The following CORO2A variants were observed in gnomAD, a reference collection of about 807,000 sequenced individuals.
CORO2A encodes coronin-2A.
Under a neutral mutation model 62.4 loss-of-function variants are expected in CORO2A, and 47 were observed. The ratio of observed to expected loss-of-function variants is 0.75; its 90% CI spans 0.60 to 0.96. The LOEUF (loss-of-function observed/expected upper bound fraction) is 0.96, where lower values mean the gene tolerates loss of function less well. Among genes scored for constraint, CORO2A ranks in the 40% least tolerant of loss-of-function variants. The probability of loss-of-function intolerance (pLI) is 0.00; values close to 1 mark genes in which losing one functional copy is unlikely to be tolerated. For missense variants in CORO2A, 610 were observed against 684.1 expected (o/e 0.89, Z 1.21); for synonymous variants, 273 against 268.9 (o/e 1.02, Z -0.15).
At chr9:98,162,258 C>CA (rs1277145877) in intron 1 of CORO2A, among the ~76,000 whole-genome samples, 2 of 152,150 alleles carry the variant, frequency 1.3e-5, no homozygotes, top group African/African-American at 2.4e-5. Flanking sequence ...ATAGCTCTTT[C>CA]AGACCCATCA....
intron 1 of CORO2A, among the ~76,000 whole-genome samples, chr9:98,159,356 C>T (rs571809126): frequency 3.9e-5 from 6 of 152,280 alleles, no homozygotes; most frequent in African/African-American, 1.4e-4. Context: ...CCTCACATCA[C>T]CCTCTGATGC....
intron 1 of CORO2A, among the ~76,000 whole-genome samples, chr9:98,162,987 C>A (rs1827906324): frequency 6.6e-6 from 1 of 152,198 alleles, no homozygotes; most frequent in Non-Finnish European, 1.5e-5. Context: ...GGGCCCACAT[C>A]AAAGCCACAA....
chr9:98,147,217 A>G (rs1477298700), intron 2 of CORO2A, among the ~76,000 whole-genome samples: 1 of 152,104 alleles, frequency 6.6e-6, no homozygotes, highest in Non-Finnish European at 1.5e-5. Flanking sequence ...GCAACCAGGG[A>G]CCATTAACAT....
Position 98,129,909 on chromosome 9 carries a change from A to G in CORO2A, c.871-19T>C, listed in dbSNP as rs1490671500. 7 of 1,593,554 alleles carry G rather than the reference A, an allele frequency of 4.4e-6. No homozygotes were observed. Among genetic ancestry groups the G allele is most frequent in the Non-Finnish European group, 6.0e-6 (7 of 1,161,930 alleles). ...CATCTCCCTGAGGAGGAGGAGAAGG[A>G]AGAGGAGGGTGAGATTCAGAGCTGG... On this transcript the variant is annotated intron_variant, in intron 7 of 11. Transcript: ENST00000375077.
intron 6 of CORO2A, 72 bp downstream of exon 6, chr9:98,132,113 A>C (rs1431795066): frequency 9.0e-7 from 1 of 1,115,486 alleles, no homozygotes; most frequent in Non-Finnish European, 1.4e-6. Flanking sequence ...TGTCTAAATG[A>C]ATGCATGCAT....
At chr9:98,172,764 TTGTC>T (rs1025078759) in intron 1 of CORO2A, 3 of 152,240 alleles carry the variant, frequency 2.0e-5, no homozygotes, top group Admixed American at 6.5e-5. Flanking sequence ...CCTAAATTGT[TTGTC>T]CAGGCTGGGC....
intron 10 of CORO2A, among the ~76,000 whole-genome samples, chr9:98,127,264 C>T (rs1205095127): frequency 1.3e-5 from 2 of 152,170 alleles, no homozygotes; most frequent in Non-Finnish European, 2.9e-5. Context: ...TAAGGTTATC[C>T]AAAACTAGGA....
chr9:98,139,045 C>CAAAAAAAAA (rs60779052), intron 2 of CORO2A, among the ~76,000 whole-genome samples: 1 of 103,362 alleles, frequency 9.7e-6, no homozygotes, highest in African/African-American at 3.7e-5. Flanking sequence ...GATTCTGTCT[C>CAAAAAAAAA]AAAAAAAAAA....
intron 4 of CORO2A, 80 bp from the exon 5 acceptor site, chr9:98,133,297 G>T: frequency 1.4e-6 from 2 of 1,386,110 alleles, no homozygotes; most frequent in Non-Finnish European, 1.0e-6. Flanking sequence ...CCAGGATGCA[G>T]TGAAACACAG....
chr9:98,128,042 T>C, intron 10 of CORO2A, 128 bp downstream of exon 10: 1 of 713,222 alleles, frequency 1.4e-6, no homozygotes, highest in Non-Finnish European at 2.4e-6. Flanking sequence ...GGACTGAAGG[T>C]CAAGGGCATG....
chr9:98,136,355 T>A (rs1391915179), intron 3 of CORO2A, among the ~76,000 whole-genome samples: 1 of 152,232 alleles, frequency 6.6e-6, no homozygotes, highest in Non-Finnish European at 1.5e-5. Context: ...ATCTGCTATA[T>A]GGAAACCGAC....
Position 98,122,561 on chromosome 9 carries a change from T to C in CORO2A, c.*2213A>G, listed in dbSNP as rs1469302460. On this transcript the variant is annotated 3_prime_UTR_variant, in exon 12 of 12. Coordinates refer to ENST00000375077, the MANE Select transcript of CORO2A (RefSeq NM_052820.4). ...TTGTATTGACCACTGAACTTTAGAG[T>C]AGGGCTCGGAACACAGATTCACTAA... is the stretch of plus-strand genomic sequence containing the variant. 1 of 152,020 alleles carries C rather than the reference T, an allele frequency of 6.6e-6. No homozygotes were observed. The highest frequency in any genetic ancestry group is 1.9e-4 in the East Asian group (1 of 5,188). The allele number at this position is 152,020 out of a possible 1,614,324, so 9.4% of individuals were successfully genotyped here.
intron 11 of CORO2A, among the ~76,000 whole-genome samples, chr9:98,125,771 G>A (rs922504654): frequency 1.1e-4 from 16 of 142,436 alleles, no homozygotes; most frequent in African/African-American, 3.7e-4. Context: ...AGGCTGGAGC[G>A]CAGTGGTGTG....
intron 4 of CORO2A, 113 bp downstream of exon 4, chr9:98,134,693 C>T (rs1480891480): frequency 4.7e-6 from 6 of 1,285,242 alleles, no homozygotes; most frequent in Non-Finnish European, 6.3e-6. Context: ...GCTCTCCCAA[C>T]ACCTTGATTT....
rs933709063 is a variant in CORO2A at position 98,126,715 on chromosome 9, A to G, written c.1280T>C (p.Leu427Ser). The G allele has an allele frequency of 2.5e-6, 4 of 1,614,074 alleles. No homozygotes were observed. The African/African-American group carries it at 5.3e-5, about 22-fold the overall frequency. The change falls in exon 11 of 12, where the codon TTG becomes TCG. Residue 427 changes from leucine (L) to serine (S), a missense_variant. Coordinates refer to ENST00000375077, the MANE Select transcript of CORO2A (RefSeq NM_052820.4). ...NSMAPASPRL[L>S]NQTEKLAAED... ...TGCAGCCAGCTTTTCTGTCTGATTC[A>G]AGAGCCGGGGTGAGGCTGGGGCCAT...
chr9:98,164,512 G>A (rs1382967356), intron 1 of CORO2A, among the ~76,000 whole-genome samples: 1 of 152,144 alleles, frequency 6.6e-6, no homozygotes, highest in Non-Finnish European at 1.5e-5. Flanking sequence ...TAGGCCTCTG[G>A]GTAACCATTT....
rs114966655 is a variant in CORO2A at position 98,147,511 on chromosome 9, A to G, written c.202-9823T>C. Among the ~76,000 whole-genome samples, 1,053 of 152,324 alleles carry G rather than the reference A, an allele frequency of 6.9e-3. 12 individuals carry two copies. The highest frequency in any genetic ancestry group is 0.024 in the African/African-American group (988 of 41,564). On this transcript the variant is annotated intron_variant, in intron 2 of 11. Transcript: ENST00000375077. ...GCTTGAGATTTTTCCATAATTATGA[A>G]CCTGAGCTAGATTAGAGCCTTGCTA... is the stretch of plus-strand genomic sequence containing the variant.
chr9:98,155,491 T>A (rs371613586), intron 2 of CORO2A, among the ~76,000 whole-genome samples: 5 of 151,780 alleles, frequency 3.3e-5, no homozygotes, highest in African/African-American at 1.2e-4. Context: ...GGATTACAGG[T>A]GCCCGCCACT....
intron 11 of CORO2A, 130 bp downstream of exon 11, chr9:98,126,419 A>G (rs1429416916): frequency 1.6e-6 from 2 of 1,248,494 alleles, no homozygotes; most frequent in Non-Finnish European, 2.2e-6. Context: ...AAATGAGTCA[A>G]GTGACTAGGC....
Sources: allele counts gnomAD v4.1 joint callset (sites outside exome capture counted in the v4.1 genomes callset), GRCh38; gene constraint gnomAD v4.1.1; transcripts MANE v1.5; gene names NCBI Gene and HGNC (gene_info 2026-07-23, HGNC 2026-07-21).